FAM114A2: variants seen among roughly 807,000 people sequenced by gnomAD.
FAM114A2 encodes protein FAM114A2.
Under a neutral mutation model 58.4 loss-of-function variants are expected in FAM114A2, and 53 were observed. That is an observed-to-expected ratio of 0.91 (90% confidence interval 0.73 to 1.14). The LOEUF is 1.14. FAM114A2 is among the 50% of genes most tolerant of loss of function. FAM114A2 has a pLI of 0.00. For missense variants in FAM114A2, 601 were observed against 581.1 expected, an observed-to-expected ratio of 1.03 and a Z score of -0.35; for synonymous variants, 228 against 211.4, an observed-to-expected ratio of 1.08 and a Z score of -0.68.
intron 12 of FAM114A2, among the ~76,000 whole-genome samples, chr5:153,995,892 C>G (rs753992807): frequency 3.3e-5 from 5 of 152,192 alleles, no homozygotes; most frequent in Non-Finnish European, 7.3e-5. Context: ...AGTCTAAGTA[C>G]AGAGTTGCTC....
chr5:154,004,834 T>C (rs1326192008), intron 9 of FAM114A2, among the ~76,000 whole-genome samples: 1 of 152,194 alleles, frequency 6.6e-6, no homozygotes, highest in Non-Finnish European at 1.5e-5. Flanking sequence ...ATGCTACCAG[T>C]GATCTGTCTT....
chr5:154,010,722 A>G (rs1014894965), intron 9 of FAM114A2, among the ~76,000 whole-genome samples: 1 of 152,160 alleles, frequency 6.6e-6, no homozygotes, highest in Non-Finnish European at 1.5e-5. Flanking sequence ...CCACATTCCA[A>G]ATATAAGAAA....
At position 154,002,920 on chromosome 5, in the gene FAM114A2, AATGGC is replaced by A; in HGVS notation, c.1038_1042del (p.Lys346AsnfsTer5). 1 of 1,613,690 alleles carries A rather than the reference AATGGC, an allele frequency of 6.2e-7. No individual in the cohort carries two copies. Among genetic ancestry groups the A allele is most frequent in the Non-Finnish European group, 8.5e-7 (1 of 1,179,616 alleles). On this transcript the variant is annotated frameshift_variant, in exon 10 of 14. Transcript: ENST00000351797. LOFTEE classifies it high-confidence loss of function. ...TTTTTCTCCTTCTTCATTCTCTGCTAATGGCTTGGTCAGAGACTTCCTGATCCATT... is the reference window on the plus strand; with the variant it reads ...TTTTTCTCCTTCTTCATTCTCTGCTATTGGTCAGAGACTTCCTGATCCATT...
chr5:153,994,685 A>G, intron 13 of FAM114A2: 1 of 452,486 alleles, frequency 2.2e-6, no homozygotes, highest in Non-Finnish European at 4.0e-6. Context: ...AAGGATTAGT[A>G]CTAAGTAATG....
chr5:153,994,112 T>C (rs1301778357), intron 13 of FAM114A2, among the ~76,000 whole-genome samples: 1 of 152,180 alleles, frequency 6.6e-6, no homozygotes, highest in Non-Finnish European at 1.5e-5. Context: ...ATCAAAATAG[T>C]TTCCCTGACT....
rs753425134 is a variant in FAM114A2 at position 154,034,878 on chromosome 5, G to A, written c.76C>T (p.Pro26Ser). 8 of 1,613,876 alleles carry A rather than the reference G, an allele frequency of 5.0e-6. No homozygotes were observed. Among genetic ancestry groups the A allele is most frequent in the Non-Finnish European group, 6.8e-6 (8 of 1,179,814 alleles). The change falls in exon 2 of 14, where the codon CCA (proline) becomes TCA (serine). Residue 26 changes from proline (P) to serine (S), a missense_variant. Physicochemically the swap from Pro to Ser is moderately conservative, Grantham distance 74. Coordinates refer to ENST00000351797, the MANE Select transcript of FAM114A2 (RefSeq NM_018691.4). The part of the protein sequence containing the change: ...APILEDGNCE[P>S]AKNSESVDQG... ...TCAACAGACTCAGAATTCTTGGCTG[G>A]CTCACAGTTTCCATCTTCAAGGATG...
In FAM114A2 at chr5:154,006,986, G is replaced by A. The variant is rs1183999179; in HGVS notation, c.994-4017C>T. On this transcript the variant is annotated intron_variant, in intron 9 of 13. Transcript: ENST00000351797. ...TAATTTTTGTAGTTTTAATACAGAC[G>A]GAGTTTCACCATCTTGGCCAGGTTG... Among the ~76,000 whole-genome samples, 12 of 151,916 alleles carry A rather than the reference G, an allele frequency of 7.9e-5. No individual in the cohort carries two copies. The South Asian group carries it at 1.2e-3, about 16-fold the overall frequency.
chr5:154,013,985 T>C (rs187887604), intron 8 of FAM114A2, among the ~76,000 whole-genome samples: 2 of 152,304 alleles, frequency 1.3e-5, no homozygotes, highest in East Asian at 1.9e-4. Context: ...AAACAGAAGC[T>C]CAATGTTAAG....
At position 153,992,876 on chromosome 5, in the gene FAM114A2, T is replaced by A; in HGVS notation, c.*100A>T. 9.5e-7 allele frequency: 1 copy of A among 1,054,784 alleles called. No homozygotes were observed. Among genetic ancestry groups the A allele is most frequent in the South Asian group, 2.0e-5 (1 of 49,794 alleles). The allele number at this position is 1,054,784 out of a possible 1,614,324, so 65.3% of individuals were successfully genotyped here. A position where few individuals can be genotyped will look rare whatever the true frequency, so the allele number is the denominator to read the frequency against. ...ACCATCTCTCCTGCCTGAATTTTTA[T>A]ATACTAAAATAACCCCACTCCTTCA... On this transcript the variant is annotated 3_prime_UTR_variant, in exon 14 of 14. Transcript: ENST00000351797.
At chr5:154,000,551 G>A (rs1769907128) in intron 11 of FAM114A2, among the ~76,000 whole-genome samples, 1 of 152,112 alleles carries the variant, frequency 6.6e-6, no homozygotes, top group South Asian at 2.1e-4. Flanking sequence ...ATGGAAATGT[G>A]TTCCAAATGA....
chr5:154,002,347 G>C lies in FAM114A2; in HGVS notation c.1160C>G (p.Ala387Gly). 1 of 1,613,966 alleles carries C rather than the reference G, an allele frequency of 6.2e-7. No individual in the cohort carries two copies. The highest frequency in any genetic ancestry group is 8.5e-7 in the Non-Finnish European group (1 of 1,179,840). Residue 387 changes from alanine to glycine, a missense_variant, in exon 11 of 14, where the codon GCC becomes GGC. Ala to Gly is a moderately conservative substitution (Grantham distance 60). Transcript: ENST00000351797. ...FAIRSLAELTACSIELFHKTA... is the reference protein window; with the variant it reads ...FAIRSLAELTGCSIELFHKTA... ...TTTGTGGAATAGTTCAATTGAGCAG[G>C]CAGTCAGTTCAGCCAGGCTCCGGAT...
At chr5:153,996,914 T>C (rs1330328842) in intron 12 of FAM114A2, among the ~76,000 whole-genome samples, 2 of 150,690 alleles carry the variant, frequency 1.3e-5, no homozygotes, top group African/African-American at 4.9e-5. Context: ...GAAGAATCAC[T>C]TGGACCCAGG....
At chr5:154,036,386 C>T (rs903594738) in intron 1 of FAM114A2, 111 of 152,218 alleles carry the variant, frequency 7.3e-4, no homozygotes, top group African/African-American at 2.6e-3. Flanking sequence ...ATTGGTGTCT[C>T]TACAAAGAAC....
chr5:153,996,445 A>G (rs1472281906), intron 12 of FAM114A2, among the ~76,000 whole-genome samples: 4 of 152,156 alleles, frequency 2.6e-5, no homozygotes, highest in African/African-American at 9.7e-5. Flanking sequence ...CCAAACTTTT[A>G]GAAGAAAACA....
In FAM114A2 at chr5:154,021,782, A is replaced by T. The variant is rs558490369; in HGVS notation, c.913+4617T>A. Among the ~76,000 whole-genome samples the T allele has an allele frequency of 8.5e-5, 13 of 152,344 alleles. No individual in the cohort carries two copies. The East Asian group carries it at 2.5e-3, about 29-fold the overall frequency. ...AAGCTACCAATGACTTTCTTCACAGAATTGGAAAAAACTACTGTAAAGTTC... is the reference window on the plus strand; with the variant it reads ...AAGCTACCAATGACTTTCTTCACAGTATTGGAAAAAACTACTGTAAAGTTC... On this transcript the variant is annotated intron_variant, in intron 8 of 13. Coordinates refer to ENST00000351797, the MANE Select transcript of FAM114A2 (RefSeq NM_018691.4).
chr5:154,003,652 C>T (rs1032367818), intron 9 of FAM114A2, among the ~76,000 whole-genome samples: 1 of 152,174 alleles, frequency 6.6e-6, no homozygotes, highest in African/African-American at 2.4e-5. Flanking sequence ...CAATACTATT[C>T]AAACCATGTC....
At chr5:154,017,592 C>T (rs114300298) in intron 8 of FAM114A2, among the ~76,000 whole-genome samples, 1,677 of 152,330 alleles carry the variant, frequency 0.011, 32 homozygotes, top group African/African-American at 0.037. Context: ...AACAAACTGA[C>T]TTAACAGATA....
chr5:154,029,476 C>T lies in FAM114A2; in HGVS notation c.495+13G>A, dbSNP rs1772030166. 2.0e-6 allele frequency: 3 copies of T among 1,503,482 alleles called. No individual in the cohort carries two copies. The highest frequency in any genetic ancestry group is 1.1e-5 in the South Asian group (1 of 88,532). 93.1% of individuals were successfully genotyped at this position (1,503,482 alleles called of 1,614,324 possible). ...ATGGAAAGGAACAGACCACCTTGCA[C>T]TTTTTTACTTACTGTGCTCTGAACA... On this transcript the variant is annotated intron_variant, in intron 5 of 13. Coordinates refer to ENST00000351797, the MANE Select transcript of FAM114A2 (RefSeq NM_018691.4).
At chr5:154,026,580 C>T in intron 7 of FAM114A2, 58 bp from the exon 8 acceptor site, 1 of 1,215,432 alleles carries the variant, frequency 8.2e-7, no homozygotes. Flanking sequence ...AAAACATTCA[C>T]AAATAGGGAA....
Sources: allele counts gnomAD v4.1 joint callset (sites outside exome capture counted in the v4.1 genomes callset), GRCh38; gene constraint gnomAD v4.1.1; transcripts MANE v1.5; gene names NCBI Gene and HGNC (gene_info 2026-07-23, HGNC 2026-07-21).